The following SLC35D1 variants were observed in gnomAD, a reference collection of about 807,000 sequenced individuals.
The protein encoded by SLC35D1 is nucleotide sugar transporter SLC35D1.
A neutral mutation model predicts 46.7 loss-of-function variants in SLC35D1; 31 were observed. The observed-to-expected ratio is 0.66, with a 90% CI of 0.50 to 0.90. SLC35D1 has a LOEUF of 0.90. SLC35D1 is among the 40% of genes least tolerant of loss of function. The pLI, the probability that SLC35D1 is intolerant of heterozygous loss-of-function variation, is 0.00. For missense variants in SLC35D1, 397 were observed against 426.2 expected (o/e 0.93, Z 0.60); for synonymous variants, 195 against 164.6 (o/e 1.18, Z -1.41).
downstream of SLC35D1, among the ~76,000 whole-genome samples, chr1:66,994,519 C>A (rs1005307867): frequency 1.3e-5 from 2 of 152,102 alleles, no homozygotes; most frequent in Non-Finnish European, 2.9e-5. Flanking sequence ...TGGCACAAGC[C>A]TGTAGCCCCA....
chr1:66,976,749 A>G, the SLC35D1 span: 6 of 1,513,846 alleles, frequency 4.0e-6, no homozygotes, highest in Non-Finnish European at 2.7e-6. Context: ...CTTAAGAGCT[A>G]TATATACATT....
intron 8 of SLC35D1, among the ~76,000 whole-genome samples, chr1:67,040,676 A>G (rs1009940132): frequency 2.4e-4 from 36 of 152,092 alleles, no homozygotes; most frequent in Non-Finnish European, 5.3e-4. Context: ...GTATTTGCCC[A>G]TTTAAAAAAT....
chr1:66,991,408 A>C, the SLC35D1 span, among the ~76,000 whole-genome samples: 1 of 152,204 alleles, frequency 6.6e-6, no homozygotes, highest in Non-Finnish European at 1.5e-5. Context: ...TTCCACAGAG[A>C]GTCACAGTCC....
rs374286980 is a variant in SLC35D1, at chr1:67,050,285, A to G, written c.464+148T>C. The G allele has an allele frequency of 9.1e-4, 591 of 648,474 alleles. 8 individuals are homozygous for G. In the South Asian group the frequency reaches 0.011, roughly 12 times the overall value. The allele number at this position is 648,474 out of a possible 1,614,324, so 40.2% of individuals were successfully genotyped here. On this transcript the variant is annotated intron_variant, in intron 5 of 11. Transcript: ENST00000235345. ...AACCTTCCCAACTACCACTCCCACA[A>G]ACTATCAATTCCAGCAGCCAAGAGA...
At chr1:67,052,153 A>G in intron 3 of SLC35D1, 74 bp from the exon 4 acceptor site, 1 of 1,092,216 alleles carries the variant, frequency 9.2e-7, no homozygotes, top group Non-Finnish European at 1.4e-6. Context: ...AAACAGAAAC[A>G]ATTTTGTTTA....
the SLC35D1 span, among the ~76,000 whole-genome samples, chr1:66,973,458 A>G: frequency 1.7e-4 from 26 of 152,028 alleles, no homozygotes; most frequent in Admixed American, 4.6e-4. Context: ...TCAACATTTA[A>G]TTTTCTAGGA....
At position 67,035,114 on chromosome 1, in the gene SLC35D1, T is replaced by C. The variant is rs113396147; in HGVS notation, c.729+7122A>G. Among the ~76,000 whole-genome samples, 1,045 of 152,196 alleles carry C rather than the reference T, an allele frequency of 6.9e-3. 5 individuals carry two copies. The highest frequency in any genetic ancestry group is 0.014 in the Middle Eastern group (4 of 294). On this transcript the variant is annotated intron_variant, in intron 8 of 11. Transcript: ENST00000235345. ...TCTCCACTACTATTCATCAGTGACA[T>C]TGGCCTACAGTTCTGTGTTGTGTGT...
the SLC35D1 span, among the ~76,000 whole-genome samples, chr1:66,988,859 A>G: frequency 6.6e-6 from 1 of 152,218 alleles, no homozygotes; most frequent in Non-Finnish European, 1.5e-5. Flanking sequence ...TTGTGGCTTC[A>G]GAGATGCGGC....
At chr1:67,025,887 TA>T (rs1667904254) in intron 8 of SLC35D1, among the ~76,000 whole-genome samples, 1 of 152,350 alleles carries the variant, frequency 6.6e-6, no homozygotes, top group African/African-American at 2.4e-5. Context: ...AATTTTTGCA[TA>T]TTGACCTTGT....
At chr1:66,992,971 G>C in the SLC35D1 span, among the ~76,000 whole-genome samples, 1 of 152,190 alleles carries the variant, frequency 6.6e-6, no homozygotes, top group Admixed American at 6.5e-5. Context: ...AAATAAAACT[G>C]AGCTACCTTG....
chr1:66,986,808 G>T, the SLC35D1 span: 1 of 194,520 alleles, frequency 5.1e-6, no homozygotes, highest in Non-Finnish European at 1.0e-5. Flanking sequence ...AGTAGCTTTA[G>T]CAAGCAGATG....
the SLC35D1 span, chr1:66,982,045 G>A: frequency 4.5e-6 from 4 of 886,424 alleles, no homozygotes; most frequent in Non-Finnish European, 7.0e-6. Context: ...TAACACATGA[G>A]ACAAACATAA....
rs1034890691 is a variant in SLC35D1 at position 67,033,647 on chromosome 1, T to C, written c.729+8589A>G. 2.6e-5 allele frequency among the ~76,000 whole-genome samples: 4 copies of C among 152,348 alleles called. No homozygotes were observed. In the East Asian group the frequency reaches 7.7e-4, roughly 29 times the overall value. On this transcript the variant is annotated intron_variant, in intron 8 of 11. Coordinates refer to ENST00000235345, the MANE Select transcript of SLC35D1 (RefSeq NM_015139.3). Reference sequence around the variant, plus strand: ...ATTTTCTCCCATTCTGTGGGTTGTCTCTTGACTGTTGTTTTCTTCACTGTG... The same window carrying C: ...ATTTTCTCCCATTCTGTGGGTTGTCCCTTGACTGTTGTTTTCTTCACTGTG...
chr1:67,038,341 T>C (rs1316227837), intron 8 of SLC35D1, among the ~76,000 whole-genome samples: 1 of 152,192 alleles, frequency 6.6e-6, no homozygotes, highest in Non-Finnish European at 1.5e-5. Context: ...GGCAGACAAT[T>C]TGTGCAGCAA....
the SLC35D1 span, among the ~76,000 whole-genome samples, chr1:66,980,266 A>C: frequency 6.6e-6 from 1 of 152,240 alleles, no homozygotes; most frequent in Non-Finnish European, 1.5e-5. Context: ...AGAAGTCTTC[A>C]AGACCATCTA....
chr1:66,980,620 A>C, the SLC35D1 span, among the ~76,000 whole-genome samples: 1 of 152,204 alleles, frequency 6.6e-6, no homozygotes, highest in Non-Finnish European at 1.5e-5. Flanking sequence ...CAAAATTCTA[A>C]GAGATTTGTC....
chr1:67,042,012 T>C (rs1322626849), intron 8 of SLC35D1, among the ~76,000 whole-genome samples: 3 of 152,258 alleles, frequency 2.0e-5, no homozygotes, highest in Non-Finnish European at 2.9e-5. Context: ...TGGCAAGCAC[T>C]ATTTTTATGT....
At chr1:66,990,762 G>A in the SLC35D1 span, among the ~76,000 whole-genome samples, 2 of 152,160 alleles carry the variant, frequency 1.3e-5, no homozygotes, top group African/African-American at 2.4e-5. Flanking sequence ...TTTTTGAGTG[G>A]TGGACTTAGA....
At chr1:66,997,271 G>A (rs561267162), downstream of SLC35D1, among the ~76,000 whole-genome samples, 18 of 152,090 alleles carry the variant, frequency 1.2e-4, no homozygotes, top group South Asian at 3.5e-3. Flanking sequence ...AGCATTTTGG[G>A]AGACCCAGGC....
Sources: allele counts gnomAD v4.1 joint callset (sites outside exome capture counted in the v4.1 genomes callset), GRCh38; gene constraint gnomAD v4.1.1; transcripts MANE v1.5; gene names NCBI Gene and HGNC (gene_info 2026-07-23, HGNC 2026-07-21).